Variants in KALRN observed in about 807,000 individuals in gnomAD.
The protein encoded by KALRN is kalirin RhoGEF kinase.
KALRN carries 70 observed loss-of-function variants against 353.7 expected under a neutral mutation model. That is an observed-to-expected ratio of 0.20 (90% CI 0.16 to 0.24). The LOEUF is 0.24. Among genes scored for constraint, KALRN ranks in the 10% least tolerant of loss-of-function variants. The pLI is 1.00. For missense variants in KALRN, 2,791 were observed against 3,756.7 expected, an observed-to-expected ratio of 0.74 and a Z score of 6.72; for synonymous variants, 1,391 against 1,434.8, an observed-to-expected ratio of 0.97 and a Z score of 0.69.
intron 46 of KALRN, 68 bp downstream of exon 46, chr3:124,666,702 A>T (rs2085672133): frequency 1.5e-6 from 2 of 1,337,248 alleles, no homozygotes; most frequent in Non-Finnish European, 1.1e-6. Flanking sequence ...CTTCCCTAAG[A>T]CGAGGCCCTG....
At chr3:124,401,869 A>G (rs2090920019) in intron 13 of KALRN, among the ~76,000 whole-genome samples, 1 of 152,224 alleles carries the variant, frequency 6.6e-6, no homozygotes, top group African/African-American at 2.4e-5. Context: ...TTATTCAAAT[A>G]CCAGCTATGT....
chr3:124,299,020 T>C, intron 6 of KALRN, 107 bp downstream of exon 6: 3 of 1,428,272 alleles, frequency 2.1e-6, no homozygotes, highest in Non-Finnish European at 2.9e-6. Context: ...ACTGTGAACA[T>C]GCTGACCCTT....
intron 3 of KALRN, among the ~76,000 whole-genome samples, chr3:124,236,316 A>G (rs2079756758): frequency 6.6e-6 from 1 of 152,344 alleles, no homozygotes; most frequent in African/African-American, 2.4e-5. Context: ...TATAAAGAAG[A>G]AATACTCTTA....
chr3:124,299,023 T>C lies in KALRN; in HGVS notation c.1092+110T>C, dbSNP rs1054468130. 9.9e-6 allele frequency: 14 copies of C among 1,418,142 alleles called. No homozygotes were observed. In the Admixed American group the frequency reaches 1.9e-4, roughly 19 times the overall value. The allele number at this position is 1,418,142 out of a possible 1,614,324, so 87.8% of individuals were successfully genotyped here. A position where few individuals can be genotyped will look rare whatever the true frequency, so the allele number is the denominator to read the frequency against. On this transcript the variant is annotated intron_variant, in intron 6 of 59. Coordinates refer to ENST00000682506, the MANE Select transcript of KALRN (RefSeq NM_001388419.1). Reference sequence around the variant, plus strand: ...ACCCGAGGAAGAACTGTGAACATGCTGACCCTTTGGTGTTCCATTTGTTGG... The same window carrying C: ...ACCCGAGGAAGAACTGTGAACATGCCGACCCTTTGGTGTTCCATTTGTTGG...
At chr3:124,602,377 G>A (rs333246) in intron 34 of KALRN, among the ~76,000 whole-genome samples, 6,210 of 152,266 alleles carry the variant, frequency 0.041, 424 homozygotes, top group African/African-American at 0.14. Flanking sequence ...ACTCAGCAAG[G>A]ACAGGGTTTC....
chr3:124,381,258 A>G (rs113104859), intron 10 of KALRN, among the ~76,000 whole-genome samples: 10 of 152,316 alleles, frequency 6.6e-5, no homozygotes, highest in African/African-American at 2.4e-4. Flanking sequence ...CAGGCTGAAG[A>G]AGAATATGTG....
intron 1 of KALRN, among the ~76,000 whole-genome samples, chr3:124,175,921 C>T (rs73186261): frequency 0.022 from 3,359 of 152,330 alleles, 55 homozygotes; most frequent in Non-Finnish European, 0.036. Context: ...CTCAGCCTCT[C>T]CTTCAAGATA....
rs2149466313 is a variant in KALRN, at chr3:124,334,924, A to C, written c.1647+429A>C. 6.6e-6 allele frequency among the ~76,000 whole-genome samples: 1 copy of C among 152,280 alleles called. No homozygotes were observed. On this transcript the variant is annotated intron_variant, in intron 9 of 59. Transcript: ENST00000682506. This position sits in a 1 kb window ranked among gnomAD's most constrained non-coding sequence, Gnocchi z 4.2. ...ATTCTTGTTCCTCAGCCTCCCAAGT[A>C]GCTGGGATTAACCGCATGTGCCATC... is the stretch of plus-strand genomic sequence containing the variant.
chr3:124,311,862 C>A (rs1210131318), intron 6 of KALRN, among the ~76,000 whole-genome samples: 1 of 152,126 alleles, frequency 6.6e-6, no homozygotes, highest in Non-Finnish European at 1.5e-5. Context: ...CATGGATGGA[C>A]CTTGAAAACA....
chr3:124,438,691 C>G lies in KALRN; in HGVS notation c.3049-197C>G, dbSNP rs577410142. 5.3e-5 allele frequency among the ~76,000 whole-genome samples: 8 copies of G among 152,190 alleles called. 1 individual carries two copies. In the South Asian group the frequency reaches 1.5e-3, roughly 28 times the overall value. ...TCCCATAAAAAGATGATTCCAAAAT[C>G]TGTATCTCCAGTCATCATGTCTCCC... is the stretch of plus-strand genomic sequence containing the variant. On this transcript the variant is annotated intron_variant, in intron 17 of 59. Coordinates refer to ENST00000682506, the MANE Select transcript of KALRN (RefSeq NM_001388419.1).
chr3:124,665,145 G>C (rs1328603635), intron 45 of KALRN, among the ~76,000 whole-genome samples: 3 of 152,220 alleles, frequency 2.0e-5, no homozygotes, highest in Non-Finnish European at 4.4e-5. Flanking sequence ...ATCACATGAA[G>C]GGAATGGCCA....
intron 6 of KALRN, among the ~76,000 whole-genome samples, chr3:124,302,118 G>C (rs987969544): frequency 1.3e-5 from 2 of 152,120 alleles, no homozygotes; most frequent in Admixed American, 6.5e-5. Context: ...CCAACTTAAG[G>C]TTCTAAGAAC....
intron 33 of KALRN, among the ~76,000 whole-genome samples, chr3:124,560,548 T>C (rs184230351): frequency 6.6e-6 from 1 of 152,360 alleles, no homozygotes; most frequent in East Asian, 1.9e-4. Flanking sequence ...TCTATTCACA[T>C]GTAGTGTTCC....
intron 2 of KALRN, among the ~76,000 whole-genome samples, chr3:124,233,881 C>T (rs1050670644): frequency 6.6e-6 from 1 of 152,142 alleles, no homozygotes; most frequent in Admixed American, 6.5e-5. Context: ...TGTGTAATGG[C>T]CAGTGCCCTG....
intron 13 of KALRN, among the ~76,000 whole-genome samples, chr3:124,409,289 A>G (rs1410241566): frequency 6.6e-6 from 1 of 152,226 alleles, no homozygotes; most frequent in Non-Finnish European, 1.5e-5. Flanking sequence ...CACTGGCTTC[A>G]GGCCCTAGTT....
Position 124,724,347 on chromosome 3 carries a change from G to A in KALRN, c.*4877G>A, listed in dbSNP as rs162812. 2 of 152,142 alleles carry A rather than the reference G, an allele frequency of 1.3e-5. No homozygotes were observed. The highest frequency in any genetic ancestry group is 4.8e-5 in the African/African-American group (2 of 41,410). The allele number at this position is 152,142 out of a possible 1,614,324, so 9.4% of individuals were successfully genotyped here. ...ATGAATTGTGCTGGATGAGTTTCGA[G>A]GAATGTAGACCTTCTTCCTTTCTCT... On this transcript the variant is annotated 3_prime_UTR_variant, in exon 60 of 60. Coordinates refer to ENST00000682506, the MANE Select transcript of KALRN (RefSeq NM_001388419.1).
rs2068710266 is a variant in KALRN at position 124,154,707 on chromosome 3, A to G, written c.74-73283A>G. 6.6e-5 allele frequency among the ~76,000 whole-genome samples: 10 copies of G among 152,324 alleles called. No homozygotes were observed. The South Asian group carries it at 1.9e-3, about 28-fold the overall frequency. On this transcript the variant is annotated intron_variant, in intron 1 of 59. Coordinates refer to ENST00000682506, the MANE Select transcript of KALRN (RefSeq NM_001388419.1). Reference sequence around the variant, plus strand: ...CTGCCCAAGGTAATTTATAGATTCAATGCCATCCCATCAAGCTACCAATGA... The same window carrying G: ...CTGCCCAAGGTAATTTATAGATTCAGTGCCATCCCATCAAGCTACCAATGA...
intron 11 of KALRN, among the ~76,000 whole-genome samples, chr3:124,385,902 C>T (rs1317704350): frequency 6.6e-6 from 1 of 152,038 alleles, no homozygotes; most frequent in Non-Finnish European, 1.5e-5. Context: ...CTTGTGTCCC[C>T]CCCCAGGAAT....
At chr3:124,544,536 G>A (rs2069408845) in intron 33 of KALRN, among the ~76,000 whole-genome samples, 1 of 152,078 alleles carries the variant, frequency 6.6e-6, no homozygotes, top group Non-Finnish European at 1.5e-5. Context: ...CCTCCAGCCT[G>A]GGCGACAGAG....
Sources: gnomAD v4.1 joint callset for allele counts (sites outside exome capture counted in the v4.1 genomes callset) on GRCh38, gnomAD v4.1.1 for gene constraint, Gnocchi (gnomAD v3.1) non-coding constraint, MANE v1.5 for transcripts, NCBI Gene and HGNC (gene_info 2026-07-23, HGNC 2026-07-21) for gene names.